Variants in C17orf67 observed in about 807,000 individuals in gnomAD.
The protein encoded by C17orf67 is uncharacterized protein C17orf67.
C17orf67 carries 12 observed loss-of-function variants against 11.2 expected under a neutral mutation model. The observed-to-expected ratio is 1.07, with a 90% confidence interval of 0.68 to 1.73. The LOEUF (loss-of-function observed/expected upper bound fraction) is 1.73. C17orf67 is among the 40% of genes most tolerant of loss of function. The pLI is 0.00. For synonymous variants in C17orf67, 59 were observed against 46.9 expected (o/e 1.26, Z -1.05); for missense variants, 115 against 113.5 (o/e 1.01, Z -0.06).
At chr17:56,831,292 G>A (rs1469172578) in intron 2 of C17orf67, among the ~76,000 whole-genome samples, 1 of 152,136 alleles carries the variant, frequency 6.6e-6, no homozygotes, top group Admixed American at 6.5e-5. Flanking sequence ...GGGTGCCAGA[G>A]AAAAGGGGAG....
chr17:56,823,328 GGT>G (rs1487799352), intron 4 of C17orf67, among the ~76,000 whole-genome samples: 25 of 151,994 alleles, frequency 1.6e-4, no homozygotes, highest in Non-Finnish European at 3.1e-4. Context: ...CAGGCCATTA[GGT>G]GCATTAGAAT....
intron 6 of C17orf67, among the ~76,000 whole-genome samples, chr17:56,796,374 A>T (rs1670811125): frequency 6.6e-6 from 1 of 152,234 alleles, no homozygotes; most frequent in South Asian, 2.1e-4. Context: ...AAAATGAATG[A>T]AGCAGTGATC....
chr17:56,803,204 T>C (rs1327994293), intron 6 of C17orf67, among the ~76,000 whole-genome samples: 1 of 152,232 alleles, frequency 6.6e-6, no homozygotes, highest in African/African-American at 2.4e-5. Flanking sequence ...GGTGTTGAAC[T>C]GGCTATGCAT....
At chr17:56,793,190 TAAGG>T (rs147950316) in intron 7 of C17orf67, among the ~76,000 whole-genome samples, 24,511 of 151,970 alleles carry the variant, frequency 0.16, 2,257 homozygotes, top group Middle Eastern at 0.23. Context: ...CCTAGAATCA[TAAGG>T]AAGGAGCCAT....
intron 6 of C17orf67, among the ~76,000 whole-genome samples, chr17:56,810,991 G>C (rs11658180): frequency 6.6e-6 from 1 of 152,072 alleles, no homozygotes; most frequent in African/African-American, 2.4e-5. Flanking sequence ...CGAGGATGTG[G>C]AGTACTCCCA....
intron 6 of C17orf67, among the ~76,000 whole-genome samples, chr17:56,800,628 C>T (rs1177285657): frequency 6.6e-6 from 1 of 152,178 alleles, no homozygotes; most frequent in African/African-American, 2.4e-5. Context: ...TAGAACACCC[C>T]TGTACCTTCT....
intron 2 of C17orf67, 52 bp from the exon 3 acceptor site, chr17:56,825,373 A>C (rs2144148881): frequency 6.6e-6 from 1 of 152,368 alleles, no homozygotes; most frequent in Admixed American, 6.5e-5. Context: ...CTACTAACTC[A>C]TCAACACATG....
chr17:56,815,468 A>G (rs777355552), intron 5 of C17orf67, among the ~76,000 whole-genome samples: 6 of 152,170 alleles, frequency 3.9e-5, no homozygotes, highest in Non-Finnish European at 5.9e-5. Context: ...AAATATATCA[A>G]ATTTTGGTGA....
At chr17:56,798,681 A>G (rs912898479) in intron 6 of C17orf67, among the ~76,000 whole-genome samples, 7 of 152,052 alleles carry the variant, frequency 4.6e-5, no homozygotes, top group Non-Finnish European at 8.8e-5. Context: ...TACAAAAAAA[A>G]AAATAGCTAG....
At chr17:56,794,998 C>T in intron 7 of C17orf67, 46 bp downstream of exon 7, 1 of 1,384,198 alleles carries the variant, frequency 7.2e-7, no homozygotes, top group Non-Finnish European at 1.0e-6. Flanking sequence ...ATGCTGTCCC[C>T]CACCACTCCC....
At chr17:56,797,870 C>T (rs1287147926) in intron 6 of C17orf67, among the ~76,000 whole-genome samples, 1 of 152,150 alleles carries the variant, frequency 6.6e-6, no homozygotes, top group Non-Finnish European at 1.5e-5. Flanking sequence ...ATGGGTTACT[C>T]ATGGCATTAT....
intron 6 of C17orf67, among the ~76,000 whole-genome samples, chr17:56,795,711 CA>C (rs1276092555): frequency 1.3e-5 from 2 of 152,108 alleles, no homozygotes; most frequent in African/African-American, 2.4e-5. Context: ...ATGTTTATAG[CA>C]GCAATAAATT....
rs546406090 is a variant in C17orf67, at chr17:56,798,269, T to C, written c.157-3089A>G. Among the ~76,000 whole-genome samples the C allele has an allele frequency of 3.3e-5, 5 of 152,064 alleles. No homozygotes were observed. The South Asian group carries it at 1.0e-3, about 32-fold the overall frequency. On this transcript the variant is annotated intron_variant, in intron 6 of 7. Transcript: ENST00000397861. Reference sequence around the variant, plus strand: ...TGCAGGCTCTTACTACCCCTTGTCCTACCTTCTTCTTCTTGTGGGGTTTTT... The same window carrying C: ...TGCAGGCTCTTACTACCCCTTGTCCCACCTTCTTCTTCTTGTGGGGTTTTT...
intron 5 of C17orf67, 68 bp from the exon 6 acceptor site, chr17:56,815,037 C>T: frequency 1.5e-6 from 2 of 1,328,738 alleles, no homozygotes; most frequent in Non-Finnish European, 2.2e-6. Flanking sequence ...CTCAACAGTC[C>T]AAGGCAAAAG....
At chr17:56,820,603 T>C (rs2144142678) in intron 4 of C17orf67, among the ~76,000 whole-genome samples, 1 of 152,228 alleles carries the variant, frequency 6.6e-6, no homozygotes, top group Admixed American at 6.5e-5. Flanking sequence ...TGGAATCAAT[T>C]TTTTTTCTCA....
chr17:56,802,369 G>A (rs996499981), intron 6 of C17orf67, among the ~76,000 whole-genome samples: 2 of 152,176 alleles, frequency 1.3e-5, no homozygotes, highest in Admixed American at 6.5e-5. Flanking sequence ...CAGCTTGAAT[G>A]TCATCTTTTT....
At chr17:56,811,149 C>T (rs1444469164) in intron 6 of C17orf67, among the ~76,000 whole-genome samples, 1 of 152,166 alleles carries the variant, frequency 6.6e-6, no homozygotes, top group Non-Finnish European at 1.5e-5. Context: ...CACCAGGAAA[C>T]CTGTGTCAGC....
At chr17:56,809,603 C>A (rs930027591) in intron 6 of C17orf67, among the ~76,000 whole-genome samples, 1 of 136,906 alleles carries the variant, frequency 7.3e-6, no homozygotes, top group Non-Finnish European at 1.6e-5. Context: ...CCCTCACACA[C>A]AACCCTCACG....
At chr17:56,832,766 C>A (rs1431408626) in intron 2 of C17orf67, 132 bp downstream of exon 2, 1 of 152,206 alleles carries the variant, frequency 6.6e-6, no homozygotes, top group Non-Finnish European at 1.5e-5. Context: ...TTCCCTATTA[C>A]AATAGTATAT....
Sources: gnomAD v4.1 joint callset for allele counts (sites outside exome capture counted in the v4.1 genomes callset) on GRCh38, gnomAD v4.1.1 for gene constraint, MANE v1.5 for transcripts, NCBI Gene and HGNC (gene_info 2026-07-23, HGNC 2026-07-21) for gene names.